The following PSD3 variants were observed in gnomAD, a reference collection of about 807,000 sequenced individuals.
PSD3 encodes the protein PH and SEC7 domain-containing protein 3.
Under a neutral mutation model 105.5 loss-of-function variants are expected in PSD3, and 49 were observed. The ratio of observed to expected loss-of-function variants is 0.46; its 90% CI spans 0.37 to 0.59. The LOEUF (loss-of-function observed/expected upper bound fraction) is 0.59. Ranked by LOEUF, PSD3 falls within the 20% of genes least tolerant of loss-of-function variation. The pLI is 0.00. For synonymous variants in PSD3, 557 were observed against 457.8 expected, an observed-to-expected ratio of 1.22 and a Z score of -2.77; for missense variants, 1,561 against 1,263.8, an observed-to-expected ratio of 1.24 and a Z score of -3.57.
intron 10 of PSD3, among the ~76,000 whole-genome samples, chr8:18,646,157 G>C (rs1251977357): frequency 2.6e-5 from 4 of 152,034 alleles, no homozygotes; most frequent in African/African-American, 9.7e-5. Context: ...TAGTTTTCTT[G>C]TTAGTAATGA....
chr8:18,650,786 T>A (rs1412692068), intron 10 of PSD3, among the ~76,000 whole-genome samples: 1 of 152,198 alleles, frequency 6.6e-6, no homozygotes, highest in Non-Finnish European at 1.5e-5. Context: ...GACTAGCAAA[T>A]TAATACAACA....
chr8:18,748,534 C>T (rs1289816920), intron 9 of PSD3, among the ~76,000 whole-genome samples: 2 of 151,944 alleles, frequency 1.3e-5, no homozygotes, highest in African/African-American at 4.8e-5. Flanking sequence ...GTGGCAGGCG[C>T]CTGTAGTCCC....
chr8:18,831,867 T>C (rs1258596317), intron 4 of PSD3, among the ~76,000 whole-genome samples: 1 of 152,112 alleles, frequency 6.6e-6, no homozygotes, highest in Non-Finnish European at 1.5e-5. Context: ...CTGAGTTCAG[T>C]GTGTAATTTA....
chr8:18,736,719 G>C (rs1001233851), intron 9 of PSD3, among the ~76,000 whole-genome samples: 1 of 152,126 alleles, frequency 6.6e-6, no homozygotes, highest in African/African-American at 2.4e-5. Flanking sequence ...AAAAAAATTG[G>C]AAAGGTTTCA....
intron 1 of PSD3, among the ~76,000 whole-genome samples, chr8:18,964,749 A>T (rs1824136163): frequency 6.6e-6 from 1 of 152,164 alleles, no homozygotes; most frequent in African/African-American, 2.4e-5. Flanking sequence ...GCTCAAAGCC[A>T]GTGGCCTCCT....
At chr8:18,770,146 G>A (rs751055054) in intron 8 of PSD3, among the ~76,000 whole-genome samples, 2 of 152,122 alleles carry the variant, frequency 1.3e-5, no homozygotes, top group Non-Finnish European at 2.9e-5. Flanking sequence ...ACTAACATCT[G>A]TCCCTTTTAC....
intron 1 of PSD3, among the ~76,000 whole-genome samples, chr8:18,956,297 C>T (rs1432892312): frequency 6.6e-6 from 1 of 152,080 alleles, no homozygotes; most frequent in African/African-American, 2.4e-5. Context: ...GGTGGGCATG[C>T]ACAACACTGG....
chr8:18,994,134 T>C (rs1293202567), intron 1 of PSD3, among the ~76,000 whole-genome samples: 1 of 151,992 alleles, frequency 6.6e-6, no homozygotes, highest in Non-Finnish European at 1.5e-5. Flanking sequence ...CTATAAAATG[T>C]GAGTCATGAC....
At chr8:18,835,283 C>A (rs917013875) in intron 4 of PSD3, among the ~76,000 whole-genome samples, 1 of 152,098 alleles carries the variant, frequency 6.6e-6, no homozygotes, top group African/African-American at 2.4e-5. Flanking sequence ...AATAAGACCA[C>A]AAAAGAAACA....
intron 11 of PSD3, among the ~76,000 whole-genome samples, chr8:18,601,993 A>T (rs1237797879): frequency 6.6e-6 from 1 of 152,118 alleles, no homozygotes; most frequent in African/African-American, 2.4e-5. Flanking sequence ...CCAGCCCCTA[A>T]CAAGTCACTC....
At chr8:18,692,320 C>A (rs1801014731) in intron 9 of PSD3, among the ~76,000 whole-genome samples, 1 of 152,150 alleles carries the variant, frequency 6.6e-6, no homozygotes, top group African/African-American at 2.4e-5. Context: ...AAAACAGTAA[C>A]TGTGCCAATA....
At chr8:18,971,566 CG>C (rs1348318302) in intron 1 of PSD3, among the ~76,000 whole-genome samples, 7 of 152,142 alleles carry the variant, frequency 4.6e-5, no homozygotes, top group Non-Finnish European at 7.4e-5. Flanking sequence ...CTGCAGCCCC[CG>C]GGCTTCAGCA....
intron 11 of PSD3, among the ~76,000 whole-genome samples, chr8:18,613,669 G>C (rs565297149): frequency 2.7e-4 from 41 of 152,064 alleles, no homozygotes; most frequent in Admixed American, 2.5e-3. Flanking sequence ...CTTCAGTTAG[G>C]TCTCTGCTCA....
intron 11 of PSD3, among the ~76,000 whole-genome samples, chr8:18,614,508 A>C (rs896032875): frequency 2.1e-4 from 32 of 152,170 alleles, no homozygotes; most frequent in Non-Finnish European, 4.3e-4. Flanking sequence ...TATTCCAATA[A>C]GACATTGAAT....
intron 4 of PSD3, among the ~76,000 whole-genome samples, chr8:18,845,448 G>A (rs1053106481): frequency 7.9e-5 from 12 of 152,220 alleles, no homozygotes; most frequent in Admixed American, 1.3e-4. Context: ...TCCTTCACTC[G>A]TCACTTCCAG....
intron 1 of PSD3, among the ~76,000 whole-genome samples, chr8:18,938,317 G>T (rs190875693): frequency 1.1e-3 from 166 of 152,202 alleles, no homozygotes; most frequent in African/African-American, 3.9e-3. Flanking sequence ...CTGATAAACT[G>T]GATTTAAAGA....
chr8:18,734,201 T>C (rs1803981251), intron 9 of PSD3: 1 of 152,234 alleles, frequency 6.6e-6, no homozygotes, highest in African/African-American at 2.4e-5. Flanking sequence ...ATTCTGCCTC[T>C]ATGTATAGCC....
At chr8:19,036,590 G>A (rs1346817200) in intron 1 of PSD3, among the ~76,000 whole-genome samples, 1 of 152,180 alleles carries the variant, frequency 6.6e-6, no homozygotes, top group Non-Finnish European at 1.5e-5. Context: ...AGCTCAGAGA[G>A]TGCTGCAGAT....
intron 10 of PSD3, among the ~76,000 whole-genome samples, chr8:18,647,658 T>G (rs1808147903): frequency 6.6e-6 from 1 of 151,956 alleles, no homozygotes; most frequent in South Asian, 2.1e-4. Flanking sequence ...ACATGATTTT[T>G]TTTTTTTTTT....
Sources: gnomAD v4.1 joint callset for allele counts (sites outside exome capture counted in the v4.1 genomes callset) on GRCh38, gnomAD v4.1.1 for gene constraint, MANE v1.5 for transcripts, NCBI Gene and HGNC (gene_info 2026-07-23, HGNC 2026-07-21) for gene names.